NOS1: variants seen among roughly 807,000 people sequenced by gnomAD.
The protein encoded by NOS1 is nitric oxide synthase 1.
Under a neutral mutation model 164.5 loss-of-function variants are expected in NOS1, and 51 were observed. The ratio of observed to expected loss-of-function variants is 0.31; its 90% CI spans 0.25 to 0.39. The LOEUF (loss-of-function observed/expected upper bound fraction) is 0.39. Ranked by LOEUF, NOS1 falls within the 10% of genes least tolerant of loss-of-function variation. The pLI is 1.00. For synonymous variants in NOS1, 719 were observed against 745.8 expected (o/e 0.96, Z 0.59); for missense variants, 1,362 against 1,885.6 (o/e 0.72, Z 5.14).
chr12:117,212,551 C>T lies in NOS1; in HGVS notation c.*2758G>A, dbSNP rs930553508. 1.9e-5 allele frequency: 19 copies of T among 985,276 alleles called. No homozygotes were observed. The South Asian group carries it at 8.5e-4, about 44-fold the overall frequency. The allele number at this position is 985,276 out of a possible 1,614,324, so 61.0% of individuals were successfully genotyped here. On this transcript the variant is annotated 3_prime_UTR_variant, in exon 29 of 29. Transcript: ENST00000317775. ...CAGGTGAGCATGATGTTCCGGTGTT[C>T]CTATTTCAGGAGACGTCTCATTCCT...
rs561095714 is a variant in NOS1 at position 117,284,815 on chromosome 12, C to T, written c.1382+426G>A. 6.6e-5 allele frequency among the ~76,000 whole-genome samples: 10 copies of T among 151,984 alleles called. No individual in the cohort carries two copies. The South Asian group carries it at 2.1e-3, about 32-fold the overall frequency. ...CTGTAATCCCAGCATTTTGGGAGGC[C>T]GAGGCGGGTGGAGCACTTGAGGTCA... On this transcript the variant is annotated intron_variant, in intron 7 of 28. Transcript: ENST00000317775.
At chr12:117,309,892 G>C (rs1874344836) in intron 3 of NOS1, among the ~76,000 whole-genome samples, 3 of 152,086 alleles carry the variant, frequency 2.0e-5, no homozygotes, top group Admixed American at 2.0e-4. Flanking sequence ...CCCACTTCTA[G>C]GAATTTATTC....
At chr12:117,217,297 C>T (rs1006542389) in intron 28 of NOS1, among the ~76,000 whole-genome samples, 6 of 152,198 alleles carry the variant, frequency 3.9e-5, no homozygotes, top group African/African-American at 1.4e-4. Context: ...TTCTTCTCCC[C>T]ACTTTCCTAA....
At chr12:117,335,226 A>T (rs760697469) in intron 1 of NOS1, among the ~76,000 whole-genome samples, 3 of 152,034 alleles carry the variant, frequency 2.0e-5, no homozygotes, top group Non-Finnish European at 2.9e-5. Flanking sequence ...TTCAGGCGCC[A>T]TGTAGAAGGG....
At position 117,308,599 on chromosome 12, in the gene NOS1, AT is replaced by A. The variant is rs1236088675; in HGVS notation, c.852+2866del. Among the ~76,000 whole-genome samples the A allele has an allele frequency of 3.5e-3, 497 of 143,396 alleles. 2 individuals carry two copies. The highest frequency in any genetic ancestry group is 5.3e-3 in the East Asian group (26 of 4,948). The allele number at this position is 143,396 out of a possible 152,430, so 94.1% of individuals were successfully genotyped here. ...AGGCGCAATGTGGTCAGATTATATA[AT>A]TTTTTTTTTTTTTTGAGACAGAGTC... On this transcript the variant is annotated intron_variant, in intron 3 of 28. Coordinates refer to ENST00000317775, the MANE Select transcript of NOS1 (RefSeq NM_000620.5).
chr12:117,281,812 G>C (rs1189769555), intron 7 of NOS1, among the ~76,000 whole-genome samples: 1 of 133,638 alleles, frequency 7.5e-6, no homozygotes, highest in African/African-American at 2.8e-5. Flanking sequence ...CCTGGCAACA[G>C]AGCAAGACTC....
At chr12:117,286,041 C>A in intron 6 of NOS1, 63 bp downstream of exon 6, 2 of 1,575,890 alleles carry the variant, frequency 1.3e-6, no homozygotes, top group South Asian at 2.3e-5. Context: ...AAAGCTCCAT[C>A]CACTCCCCTT....
chr12:117,341,356 T>G (rs2136084680), intron 1 of NOS1, among the ~76,000 whole-genome samples: 1 of 152,154 alleles, frequency 6.6e-6, no homozygotes, highest in African/African-American at 2.4e-5. Flanking sequence ...CAGAACTTGG[T>G]GGTGAGTCAA....
intron 3 of NOS1, among the ~76,000 whole-genome samples, chr12:117,305,663 C>T (rs960467448): frequency 2.6e-5 from 4 of 152,020 alleles, no homozygotes; most frequent in Admixed American, 6.6e-5. Flanking sequence ...GTTTCCTTTG[C>T]GCTGGAGCTG....
In NOS1 at chr12:117,220,097, C is replaced by T. The variant is rs767078735; in HGVS notation, c.4148G>A (p.Gly1383Asp). Residue 1383 changes from glycine to aspartate, a missense_variant, in exon 27 of 29, where the codon GGC becomes GAC. Around this residue, in one of 4 missense-constraint regions of NOS1, gnomAD observed 737 missense variants for 1,030.3 expected, o/e 0.72. Transcript: ENST00000317775. The stretch of plus-strand genomic sequence containing the variant: ...CACCCTCATCCGGCTGATGAATACG[C>T]CGGCGTCCTCTGCCGAGAGCTTCCC... ...QQGKLSAEDAGVFISRMRDDN... is the reference protein window; with the variant it reads ...QQGKLSAEDADVFISRMRDDN... The T allele has an allele frequency of 1.8e-5, 29 of 1,611,290 alleles. No homozygotes were observed. The highest frequency in any genetic ancestry group is 2.3e-5 in the Non-Finnish European group (27 of 1,178,720).
At chr12:117,361,060 G>C (rs1197180656) in intron 1 of NOS1, among the ~76,000 whole-genome samples, 1 of 152,134 alleles carries the variant, frequency 6.6e-6, no homozygotes, top group South Asian at 2.1e-4. Context: ...CACACCAGGG[G>C]CTCGGGCGGG....
chr12:117,296,544 C>A (rs1873428357), intron 3 of NOS1, among the ~76,000 whole-genome samples: 2 of 152,226 alleles, frequency 1.3e-5, no homozygotes, highest in Admixed American at 1.3e-4. Context: ...ACATTGGACT[C>A]CAAGTTCTTT....
chr12:117,294,555 A>G (rs1873292484), intron 3 of NOS1, among the ~76,000 whole-genome samples: 1 of 152,188 alleles, frequency 6.6e-6, no homozygotes, highest in African/African-American at 2.4e-5. Context: ...TTAATTAGCC[A>G]GCAGCAATAT....
At position 117,208,271 on chromosome 12, in the gene NOS1, C is replaced by A; in HGVS notation, c.*7038G>T. ...GCGACAAACACAGCCTGGACAACCTCGCAAAGAGCGTGGGGTGGGCGTCAG... is the reference window on the plus strand; with the variant it reads ...GCGACAAACACAGCCTGGACAACCTAGCAAAGAGCGTGGGGTGGGCGTCAG... On this transcript the variant is annotated 3_prime_UTR_variant, in exon 29 of 29. Coordinates refer to ENST00000317775, the MANE Select transcript of NOS1 (RefSeq NM_000620.5). 1 of 1,287,138 alleles carries A rather than the reference C, an allele frequency of 7.8e-7. No homozygotes were observed. The highest frequency in any genetic ancestry group is 1.0e-6 in the Non-Finnish European group (1 of 987,444). 79.7% of individuals were successfully genotyped at this position (1,287,138 alleles called of 1,614,324 possible). A position where few individuals can be genotyped will look rare whatever the true frequency, so the allele number is the denominator to read the frequency against.
chr12:117,225,286 T>G, intron 24 of NOS1, 149 bp from the exon 25 acceptor site: 1 of 1,040,694 alleles, frequency 9.6e-7, no homozygotes, highest in South Asian at 1.7e-5. Context: ...CTTTCCAGGG[T>G]GGGAGTCTCA....
chr12:117,270,400 A>G (rs192144033), intron 10 of NOS1, among the ~76,000 whole-genome samples: 1 of 152,250 alleles, frequency 6.6e-6, no homozygotes, highest in African/African-American at 2.4e-5. Flanking sequence ...GACAGAGATC[A>G]GAGAGCAGAC....
intron 9 of NOS1, among the ~76,000 whole-genome samples, chr12:117,277,563 C>T (rs1351051145): frequency 6.6e-6 from 1 of 151,946 alleles, no homozygotes; most frequent in Non-Finnish European, 1.5e-5. Context: ...CACTGCACTC[C>T]AGCCTGGGCA....
At chr12:117,215,916 C>T (rs12308759) in intron 28 of NOS1, among the ~76,000 whole-genome samples, 3,175 of 131,638 alleles carry the variant, frequency 0.024, 95 homozygotes, top group African/African-American at 0.062. Flanking sequence ...CTCACTGTGT[C>T]GCCCAGGCTG....
intron 2 of NOS1, among the ~76,000 whole-genome samples, chr12:117,324,928 C>T (rs918327383): frequency 7.9e-5 from 12 of 152,150 alleles, no homozygotes; most frequent in Admixed American, 6.5e-4. Flanking sequence ...ACTACAGGGA[C>T]GTCCCATGGG....
Sources: allele counts gnomAD v4.1 joint callset (sites outside exome capture counted in the v4.1 genomes callset), GRCh38; gene constraint gnomAD v4.1.1; regional missense constraint gnomAD v4.1.1; transcripts MANE v1.5; gene names NCBI Gene and HGNC (gene_info 2026-07-23, HGNC 2026-07-21).